Variants in ZNF236 observed in about 807,000 individuals in gnomAD.
ZNF236 encodes the protein regulated by glucose.
A neutral mutation model predicts 191.2 loss-of-function variants in ZNF236; 50 were observed. The ratio of observed to expected loss-of-function variants is 0.26; its 90% confidence interval spans 0.21 to 0.33. The LOEUF (loss-of-function observed/expected upper bound fraction) is 0.33, where lower values mean the gene tolerates loss of function less well. Among genes scored for constraint, ZNF236 ranks in the 10% least tolerant of loss-of-function variants. The probability of loss-of-function intolerance (pLI) is 1.00; values close to 1 mark genes in which losing one functional copy is unlikely to be tolerated. For missense variants in ZNF236, 1,754 were observed against 2,374.5 expected (o/e 0.74, Z 5.43); for synonymous variants, 907 against 928.8 (o/e 0.98, Z 0.43).
chr18:76,864,056 G>C (rs1403522055), intron 3 of ZNF236, among the ~76,000 whole-genome samples: 1 of 152,202 alleles, frequency 6.6e-6, no homozygotes, highest in Non-Finnish European at 1.5e-5. Flanking sequence ...ACTTCCCCAA[G>C]TGAGAGGGAT....
intron 19 of ZNF236, among the ~76,000 whole-genome samples, chr18:76,916,235 G>A (rs1568228529): frequency 1.3e-5 from 2 of 152,158 alleles, no homozygotes; most frequent in Admixed American, 6.5e-5. Flanking sequence ...TTTATTACAG[G>A]CATATTTAAT....
At chr18:76,843,105 C>T (rs1323710420) in intron 1 of ZNF236, among the ~76,000 whole-genome samples, 2 of 152,020 alleles carry the variant, frequency 1.3e-5, no homozygotes, top group African/African-American at 4.8e-5. Context: ...CCACATGGCC[C>T]AGGTATGTGT....
At chr18:76,895,648 C>T (rs915511046) in intron 10 of ZNF236, among the ~76,000 whole-genome samples, 1 of 151,708 alleles carries the variant, frequency 6.6e-6, no homozygotes, top group Middle Eastern at 3.2e-3. Flanking sequence ...TGCACAGGTA[C>T]TGCACACAAG....
At position 76,880,119 on chromosome 18, in the gene ZNF236, C is replaced by G; in HGVS notation, c.991C>G (p.Leu331Val). ...TETAHVLTAT[L>V]FQTLPLQQTE... ...AAATGTTTCTGTGTTTCAGGCCACA[C>G]TTTTTCAGACGTTACCTCTTCAACA... Residue 331 changes from leucine (L) to valine (V), a missense_variant, in exon 8 of 31, where the codon CTT (leucine) becomes GTT (valine). Transcript: ENST00000320610. The surrounding 1 kb of genome is among the most constrained non-coding windows in gnomAD (Gnocchi z 5.0). 1 of 1,608,684 alleles carries G rather than the reference C, an allele frequency of 6.2e-7. No homozygotes were observed. Among genetic ancestry groups the G allele is most frequent in the Non-Finnish European group, 8.5e-7 (1 of 1,176,750 alleles).
intron 30 of ZNF236, among the ~76,000 whole-genome samples, chr18:76,961,196 C>T (rs530791776): frequency 6.6e-6 from 1 of 152,192 alleles, no homozygotes; most frequent in African/African-American, 2.4e-5. Flanking sequence ...TCCATTGTGT[C>T]ATTCTTATGC....
intron 1 of ZNF236, among the ~76,000 whole-genome samples, chr18:76,845,815 C>CTA (rs1441768861): frequency 1.3e-5 from 2 of 151,754 alleles, no homozygotes; most frequent in African/African-American, 2.4e-5. Flanking sequence ...CACCATTGCA[C>CTA]TACAGCCTGT....
chr18:76,878,682 C>T (rs1976784810), intron 7 of ZNF236, among the ~76,000 whole-genome samples: 1 of 152,058 alleles, frequency 6.6e-6, no homozygotes. Context: ...GCGTCTTTAG[C>T]TCAGTCTCAT....
rs114003966 is a variant in ZNF236, at chr18:76,875,466, T to G, written c.668-26T>G. 1.9e-3 allele frequency: 2,832 copies of G among 1,479,512 alleles called. 46 individuals carry two copies. The African/African-American group carries it at 0.034, about 18-fold the overall frequency. 91.6% of individuals were successfully genotyped at this position (1,479,512 alleles called of 1,614,324 possible). Reference sequence around the variant, plus strand: ...GATGCCCATACAATATGGAATTATATTTTGATCATTTTTCTCCCACTCTAG... The same window carrying G: ...GATGCCCATACAATATGGAATTATAGTTTGATCATTTTTCTCCCACTCTAG... On this transcript the variant is annotated intron_variant, in intron 5 of 30. Transcript: ENST00000320610. The surrounding 1 kb of genome is among the most constrained non-coding windows in gnomAD (Gnocchi z 4.3).
At chr18:76,907,139 G>A (rs1158637230) in intron 13 of ZNF236, among the ~76,000 whole-genome samples, 1 of 152,132 alleles carries the variant, frequency 6.6e-6, no homozygotes, top group Non-Finnish European at 1.5e-5. Context: ...TCTATTATGC[G>A]ACACATTTTT....
At position 76,947,593 on chromosome 18, in the gene ZNF236, A is replaced by G. The variant is rs776637013; in HGVS notation, c.4855A>G (p.Ile1619Val). Residue 1619 changes from isoleucine to valine, a missense_variant, in exon 27 of 31, where the codon ATA becomes GTA. Ile to Val is a conservative substitution (Grantham distance 29). This residue lies in a region of ZNF236 where 606 missense variants were observed against 761.5 expected (regional missense o/e 0.80). Coordinates refer to ENST00000320610, the MANE Select transcript of ZNF236 (RefSeq NM_001306089.2). The part of the protein sequence containing the change: ...GQGGAGSPQV[I>V]LVSHTPQSAS... ...GGGTGGAGCAGGCTCGCCGCAAGTC[A>G]TACTAGTGAGCCACACGCCACAGTC... is the stretch of plus-strand genomic sequence containing the variant. 3 of 1,614,084 alleles carry G rather than the reference A, an allele frequency of 1.9e-6. No individual in the cohort carries two copies. Among genetic ancestry groups the G allele is most frequent in the Non-Finnish European group, 2.5e-6 (3 of 1,180,010 alleles).
chr18:76,905,228 G>A lies in ZNF236; in HGVS notation c.2110G>A (p.Ala704Thr), dbSNP rs201972619. 94 of 1,614,022 alleles carry A rather than the reference G, an allele frequency of 5.8e-5. No homozygotes were observed. The highest frequency in any genetic ancestry group is 7.6e-5 in the Non-Finnish European group (90 of 1,180,044). The part of the protein sequence containing the change: ...RGFVSAGVLK[A>T]HIRTHTGLKS... ...CTTTGTTTCTGCAGGCGTGCTCAAA[G>A]CACACATCAGAACACACACAGGACT... The change falls in exon 13 of 31, where the codon GCA becomes ACA. Residue 704 changes from alanine to threonine, a missense_variant. Physicochemically the swap from Ala to Thr is moderately conservative, Grantham distance 58. Transcript: ENST00000320610.
chr18:76,920,152 A>G (rs1172411997), intron 20 of ZNF236, 94 bp downstream of exon 20: 17 of 1,435,030 alleles, frequency 1.2e-5, no homozygotes, highest in Non-Finnish European at 1.6e-5. Context: ...CAGGGCCATT[A>G]GTTTCTGAAC....
Position 76,842,906 on chromosome 18 carries a change from A to G in ZNF236, c.56-6620A>G, listed in dbSNP as rs531739979. ...AATAGATAATTGGTAAAATTCAGAA[A>G]GGGCAGGAGTCTTCTCTGGCTCTCC... On this transcript the variant is annotated intron_variant, in intron 1 of 30. Coordinates refer to ENST00000320610, the MANE Select transcript of ZNF236 (RefSeq NM_001306089.2). 1.4e-4 allele frequency among the ~76,000 whole-genome samples: 21 copies of G among 152,360 alleles called. 1 individual carries two copies. The highest frequency in any genetic ancestry group is 3.8e-4 in the African/African-American group (16 of 41,596).
intron 1 of ZNF236, among the ~76,000 whole-genome samples, chr18:76,837,448 T>TC (rs1391566925): frequency 1.4e-5 from 2 of 145,078 alleles, no homozygotes; most frequent in East Asian, 2.0e-4. Context: ...TTTTTTTTTT[T>TC]TTTTTTTTTG....
rs554869813 is a variant in ZNF236, at chr18:76,960,961, C to T, written c.5419+106C>T. ...GTTCACACAGTGATTTTGCATTGCA[C>T]GTGGTACAGCCTCAGTTGTGTGGAC... On this transcript the variant is annotated intron_variant, in intron 30 of 30. Transcript: ENST00000320610. The surrounding 1 kb of genome is among the most constrained non-coding windows in gnomAD (Gnocchi z 4.4). 2.0e-5 allele frequency: 25 copies of T among 1,241,044 alleles called. No homozygotes were observed. In the East Asian group the frequency reaches 3.3e-4, roughly 16 times the overall value. The allele number at this position is 1,241,044 out of a possible 1,614,324, so 76.9% of individuals were successfully genotyped here. A position where few individuals can be genotyped will look rare whatever the true frequency, so the allele number is the denominator to read the frequency against.
intron 27 of ZNF236, among the ~76,000 whole-genome samples, chr18:76,951,452 AG>A (rs1968407268): frequency 1.3e-5 from 2 of 152,082 alleles, no homozygotes; most frequent in Admixed American, 6.6e-5. Flanking sequence ...TTCTTTCCTT[AG>A]TTCTCATGGA....
chr18:76,910,688 G>A lies in ZNF236; in HGVS notation c.2682G>A (p.Gln894=). 1 of 1,614,126 alleles carries A rather than the reference G, an allele frequency of 6.2e-7. No individual in the cohort carries two copies. ...QGFTVTDTYH[Q]QPQFPPVQQL... Reference sequence around the variant, plus strand: ...TTACAGTGACTGATACGTACCATCAGCAGCCTCAGTTTCCACCTGTCCAAC... The same window carrying A: ...TTACAGTGACTGATACGTACCATCAACAGCCTCAGTTTCCACCTGTCCAAC... Residue 894 remains glutamine (Q), a synonymous_variant, in exon 16 of 31, where the codon CAG becomes CAA. Coordinates refer to ENST00000320610, the MANE Select transcript of ZNF236 (RefSeq NM_001306089.2).
intron 30 of ZNF236, among the ~76,000 whole-genome samples, chr18:76,961,852 C>A (rs1157779436): frequency 6.6e-6 from 1 of 152,028 alleles, no homozygotes. Flanking sequence ...GTTTGCTGGC[C>A]ATTTATATAT....
rs766100732 is a variant in ZNF236 at position 76,920,077 on chromosome 18, C to T, written c.3557+19C>T. 1.6e-5 allele frequency: 25 copies of T among 1,603,586 alleles called. No homozygotes were observed. Among genetic ancestry groups the T allele is most frequent in the South Asian group, 1.2e-4 (11 of 90,296 alleles). On this transcript the variant is annotated intron_variant, in intron 20 of 30. Transcript: ENST00000320610. ...TGGTGAGGTGAGGGCATGGCTACGC[C>T]GCGCGGGTTCCGCTCTGAAGACTGG... is the stretch of plus-strand genomic sequence containing the variant.
Sources: allele counts gnomAD v4.1 joint callset (sites outside exome capture counted in the v4.1 genomes callset), GRCh38; gene constraint gnomAD v4.1.1; regional missense constraint gnomAD v4.1.1; non-coding constraint Gnocchi (gnomAD v3.1); transcripts MANE v1.5; gene names NCBI Gene and HGNC (gene_info 2026-07-23, HGNC 2026-07-21).